SRD5A2: variants seen among roughly 807,000 people sequenced by gnomAD.
The protein encoded by SRD5A2 is steroid 5 alpha-reductase 2.
In SRD5A2, 30 loss-of-function variants were observed where a neutral mutation model predicts 27.4. The ratio of observed to expected loss-of-function variants is 1.10; its 90% CI spans 0.82 to 1.49. The LOEUF (loss-of-function observed/expected upper bound fraction) is 1.49, where lower values mean the gene tolerates loss of function less well. SRD5A2 is among the 40% of genes most tolerant of loss of function. The pLI is 0.00. For missense variants in SRD5A2, 348 were observed against 323.4 expected, an observed-to-expected ratio of 1.08 and a Z score of -0.58; for synonymous variants, 141 against 133.6, an observed-to-expected ratio of 1.06 and a Z score of -0.38.
rs1189562548 is a variant in SRD5A2 at position 31,522,874 on chromosome 2, C to T, written c.*3322G>A. On this transcript the variant is annotated 3_prime_UTR_variant, in exon 5 of 5. Coordinates refer to ENST00000622030, the MANE Select transcript of SRD5A2 (RefSeq NM_000348.4). ...GGAAAAGAAATGAATCTTCATGAGCCTATTCCTTCATGTGCCAAGAGCTTG... is the reference window on the plus strand; with the variant it reads ...GGAAAAGAAATGAATCTTCATGAGCTTATTCCTTCATGTGCCAAGAGCTTG... The T allele has an allele frequency of 4.5e-6, 1 of 223,302 alleles. No homozygotes were observed. 13.8% of individuals were successfully genotyped at this position (223,302 alleles called of 1,614,324 possible).
intron 1 of SRD5A2, among the ~76,000 whole-genome samples, chr2:31,570,460 T>C (rs1225230832): frequency 1.3e-5 from 2 of 152,042 alleles, no homozygotes; most frequent in Non-Finnish European, 2.9e-5. Flanking sequence ...CCTTGAAAAC[T>C]AGAACAAGAT....
chr2:31,565,567 ATATAAG>A (rs1461129651), intron 1 of SRD5A2, among the ~76,000 whole-genome samples: 2 of 152,002 alleles, frequency 1.3e-5, no homozygotes, highest in African/African-American at 4.8e-5. Context: ...GGCTAAGTTA[ATATAAG>A]ACAAAAGTAG....
At chr2:31,581,059 C>CA (rs969312068), upstream of SRD5A2, 47 of 623,706 alleles carry the variant, frequency 7.5e-5, no homozygotes, top group East Asian at 1.4e-3. Flanking sequence ...AGCCCTGGCG[C>CA]GGTTCGCAGC....
At chr2:31,540,870 T>A (rs1333958655) in intron 1 of SRD5A2, among the ~76,000 whole-genome samples, 1 of 152,202 alleles carries the variant, frequency 6.6e-6, no homozygotes, top group Admixed American at 6.5e-5. Flanking sequence ...GTCCTCTAAG[T>A]ATCAGGCATA....
chr2:31,533,698 G>C lies in SRD5A2; in HGVS notation c.350C>G (p.Ala117Gly). ...AAGGACTCCATTTCCAGTGCAGAAG[G>C]CAGTGCCTCTGAGAATGAGTATAGC... ...YPAILILRGT[A>G]FCTGNGVLQG... is the part of the protein sequence containing the mutation. The change falls in exon 2 of 5, where the codon GCC becomes GGC. Residue 117 changes from alanine to glycine, a missense_variant. By Grantham distance (60) the Ala-to-Gly change is moderately conservative. Coordinates refer to ENST00000622030, the MANE Select transcript of SRD5A2 (RefSeq NM_000348.4). 6.3e-7 allele frequency: 1 copy of C among 1,590,624 alleles called. No homozygotes were observed. The highest frequency in any genetic ancestry group is 1.3e-5 in the African/African-American group (1 of 74,654).
At chr2:31,552,672 G>T (rs1666403771) in intron 1 of SRD5A2, among the ~76,000 whole-genome samples, 1 of 152,126 alleles carries the variant, frequency 6.6e-6, no homozygotes, top group African/African-American at 2.4e-5. Flanking sequence ...AGGACTGACA[G>T]AATGAGTATA....
At chr2:31,643,435 T>A in the SRD5A2 span, among the ~76,000 whole-genome samples, 1 of 152,112 alleles carries the variant, frequency 6.6e-6, no homozygotes, top group Non-Finnish European at 1.5e-5. Flanking sequence ...GATAGATAAA[T>A]AGTCAAATAA....
At chr2:31,546,570 A>C (rs1368594248) in intron 1 of SRD5A2, among the ~76,000 whole-genome samples, 1 of 152,180 alleles carries the variant, frequency 6.6e-6, no homozygotes, top group African/African-American at 2.4e-5. Flanking sequence ...TCTCACTTAT[A>C]AGTAGGAGCT....
chr2:31,640,243 G>C, the SRD5A2 span, among the ~76,000 whole-genome samples: 1 of 150,462 alleles, frequency 6.6e-6, no homozygotes, highest in Admixed American at 6.6e-5. Flanking sequence ...TTTTTGAATT[G>C]CTTTTCTGTG....
At chr2:31,633,177 AC>A in the SRD5A2 span, among the ~76,000 whole-genome samples, 4 of 152,186 alleles carry the variant, frequency 2.6e-5, no homozygotes, top group Admixed American at 2.6e-4. Flanking sequence ...AAGCCCCAGT[AC>A]TCAACAGGAT....
At chr2:31,531,330 TC>T in intron 3 of SRD5A2, 40 bp downstream of exon 3, 2 of 1,404,878 alleles carry the variant, frequency 1.4e-6, no homozygotes, top group African/African-American at 2.8e-5. Context: ...TGGGACAGGC[TC>T]CAGGGAAGAG....
the SRD5A2 span, among the ~76,000 whole-genome samples, chr2:31,622,907 G>C: frequency 5.9e-5 from 9 of 152,010 alleles, no homozygotes; most frequent in African/African-American, 2.2e-4. Flanking sequence ...GCTTCAAAAT[G>C]ATATTTTTTA....
In SRD5A2 at chr2:31,531,465, G is replaced by A. The variant is rs776483152; in HGVS notation, c.453C>T (p.Phe151=). ...YTDIRFSLGV[F]LFILGMGINI... Reference sequence around the variant, plus strand: ...TTATTCCCATTCCCAAAATAAATAAGAAGACACCTTGACAAAGAAGAGAGA... The same window carrying A: ...TTATTCCCATTCCCAAAATAAATAAAAAGACACCTTGACAAAGAAGAGAGA... Residue 151 remains phenylalanine (F), a synonymous_variant, in exon 3 of 5, where the codon TTC becomes TTT. Coordinates refer to ENST00000622030, the MANE Select transcript of SRD5A2 (RefSeq NM_000348.4). 6.3e-7 allele frequency: 1 copy of A among 1,592,570 alleles called. No individual in the cohort carries two copies. The highest frequency in any genetic ancestry group is 8.6e-7 in the Non-Finnish European group (1 of 1,168,036).
At chr2:31,659,520 C>A in the SRD5A2 span, among the ~76,000 whole-genome samples, 1 of 152,128 alleles carries the variant, frequency 6.6e-6, no homozygotes, top group African/African-American at 2.4e-5. Context: ...AAATCAATAG[C>A]ATTTCTATAC....
intron 1 of SRD5A2, among the ~76,000 whole-genome samples, chr2:31,549,572 A>C (rs1666342275): frequency 6.6e-6 from 1 of 152,208 alleles, no homozygotes; most frequent in Admixed American, 6.5e-5. Context: ...TTAAAAGTAA[A>C]AATGAAGTAG....
the SRD5A2 span, among the ~76,000 whole-genome samples, chr2:31,599,079 T>G: frequency 6.6e-6 from 1 of 152,070 alleles, no homozygotes. Context: ...ATGGTCATTA[T>G]ATAATGATAA....
chr2:31,531,982 T>C (rs1055980447), intron 2 of SRD5A2, among the ~76,000 whole-genome samples: 13 of 152,098 alleles, frequency 8.5e-5, no homozygotes, highest in Admixed American at 8.5e-4. Context: ...ATCGTTTGCT[T>C]TTCTGATAAA....
chr2:31,639,520 C>T, the SRD5A2 span, among the ~76,000 whole-genome samples: 5 of 151,844 alleles, frequency 3.3e-5, no homozygotes, highest in Non-Finnish European at 4.4e-5. Flanking sequence ...TTTTTTTATA[C>T]GAAAGGATTA....
At chr2:31,661,614 AC>A in the SRD5A2 span, among the ~76,000 whole-genome samples, 1 of 152,114 alleles carries the variant, frequency 6.6e-6, no homozygotes, top group Non-Finnish European at 1.5e-5. Context: ...GATGTCTTTT[AC>A]CTTCTGTTTT....
Sources: allele counts gnomAD v4.1 joint callset (sites outside exome capture counted in the v4.1 genomes callset), GRCh38; gene constraint gnomAD v4.1.1; transcripts MANE v1.5; gene names NCBI Gene and HGNC (gene_info 2026-07-23, HGNC 2026-07-21).